The following CLVS1 variants were observed in gnomAD, a reference collection of about 807,000 sequenced individuals.
CLVS1 encodes clavesin 1.
In CLVS1, 10 loss-of-function variants were observed where a neutral mutation model predicts 33.1. The observed-to-expected ratio is 0.30, with a 90% CI of 0.19 to 0.51. CLVS1 has a LOEUF of 0.51. Ranked by LOEUF, CLVS1 falls within the 20% of genes least tolerant of loss-of-function variation. The pLI is 0.97. For synonymous variants in CLVS1, 163 were observed against 166.1 expected (o/e 0.98, Z 0.14); for missense variants, 343 against 433.4 (o/e 0.79, Z 1.85).
intron 2 of CLVS1, among the ~76,000 whole-genome samples, chr8:61,203,879 G>A (rs1807789399): frequency 6.6e-6 from 1 of 152,216 alleles, no homozygotes; most frequent in African/African-American, 2.4e-5. Context: ...TAAATGCAAT[G>A]TGAATGATCT....
At chr8:61,060,638 A>G (rs1468146572) in intron 1 of CLVS1, among the ~76,000 whole-genome samples, 1 of 152,134 alleles carries the variant, frequency 6.6e-6, no homozygotes, top group Non-Finnish European at 1.5e-5. Flanking sequence ...TATATTCAGT[A>G]CTAGTCTTTC....
chr8:61,150,629 C>T (rs67140761), intron 2 of CLVS1, among the ~76,000 whole-genome samples: 32,881 of 152,094 alleles, frequency 0.22, 3,659 homozygotes, highest in Admixed American at 0.28. Flanking sequence ...TCTACTGCTT[C>T]AGGGGTGAGA....
In CLVS1 at chr8:61,380,741, CT is replaced by C. The variant is rs375365248; in HGVS notation, c.630+3963del. ...ATACAGCTCAGCGTTATTCTCAGTT[CT>C]GCTGGGGATTTCTGGCAGAATGAGA... On this transcript the variant is annotated intron_variant, in intron 3 of 5. Coordinates refer to ENST00000325897, the MANE Select transcript of CLVS1 (RefSeq NM_173519.3). 4.9e-3 allele frequency among the ~76,000 whole-genome samples: 748 copies of C among 152,250 alleles called. 9 individuals carry two copies. Among genetic ancestry groups the C allele is most frequent in the African/African-American group, 0.017 (709 of 41,542 alleles).
intron 3 of CLVS1, among the ~76,000 whole-genome samples, chr8:61,450,512 T>C (rs111342055): frequency 6.8e-4 from 103 of 152,302 alleles, no homozygotes; most frequent in African/African-American, 2.3e-3. Flanking sequence ...GTCACTAAAG[T>C]ACACTTTAAA....
At chr8:61,175,478 G>T (rs1178938392) in intron 2 of CLVS1, among the ~76,000 whole-genome samples, 1 of 152,160 alleles carries the variant, frequency 6.6e-6, no homozygotes, top group Non-Finnish European at 1.5e-5. Context: ...ATGGTATTTT[G>T]TTATAGAAGC....
At chr8:61,262,670 C>T (rs1809229526) in intron 2 of CLVS1, among the ~76,000 whole-genome samples, 1 of 152,192 alleles carries the variant, frequency 6.6e-6, no homozygotes, top group South Asian at 2.1e-4. Context: ...CCTCTGCTGA[C>T]CAACACCCAG....
intron 2 of CLVS1, among the ~76,000 whole-genome samples, chr8:61,307,845 T>C (rs540950092): frequency 6.6e-6 from 1 of 151,982 alleles, no homozygotes; most frequent in Non-Finnish European, 1.5e-5. Context: ...CCTCCCACAC[T>C]CCCACCTTAT....
rs894527848 is a variant in CLVS1 at position 61,074,399 on chromosome 8, T to A, written c.-243+17169T>A. The stretch of plus-strand genomic sequence containing the variant: ...ATAAGTATATGTGTATATATATATG[T>A]TATATATATATAAGTATATGTGTAT... On this transcript the variant is annotated intron_variant, in intron 1 of 2. Coordinates refer to the CLVS1 transcript ENST00000522621. Among the ~76,000 whole-genome samples, 6 of 55,576 alleles carry A rather than the reference T, an allele frequency of 1.1e-4. No individual in the cohort carries two copies. In the African/African-American group the frequency reaches 1.2e-3, roughly 11 times the overall value. 36.5% of individuals were successfully genotyped at this position (55,576 alleles called of 152,430 possible). A position where few individuals can be genotyped will look rare whatever the true frequency, so the allele number is the denominator to read the frequency against.
intron 2 of CLVS1, among the ~76,000 whole-genome samples, chr8:61,369,105 A>G (rs12676622): frequency 0.38 from 57,379 of 151,232 alleles, 13,232 homozygotes; most frequent in East Asian, 0.65. Flanking sequence ...TATGAGCCTC[A>G]TCAAGTTATG....
chr8:61,414,051 G>A (rs185302815), intron 3 of CLVS1, among the ~76,000 whole-genome samples: 212 of 152,342 alleles, frequency 1.4e-3, no homozygotes, highest in African/African-American at 4.7e-3. Flanking sequence ...ATTGGGATGT[G>A]AGTATGGTGT....
At chr8:61,292,390 A>C (rs1810026649) in intron 1 of CLVS1, 1 of 456,160 alleles carries the variant, frequency 2.2e-6, no homozygotes, top group Non-Finnish European at 4.4e-6. Flanking sequence ...GGTCACGGTT[A>C]CATGGATCTG....
At chr8:61,433,351 G>A (rs936740504) in intron 3 of CLVS1, among the ~76,000 whole-genome samples, 29 of 151,932 alleles carry the variant, frequency 1.9e-4, no homozygotes, top group African/African-American at 6.3e-4. Context: ...ACATTGTCTC[G>A]GGCTCTCAGT....
At chr8:61,098,833 G>C (rs1805398786) in intron 1 of CLVS1, among the ~76,000 whole-genome samples, 1 of 152,066 alleles carries the variant, frequency 6.6e-6, no homozygotes, top group South Asian at 2.1e-4. Context: ...GTCTCTACCT[G>C]TTTTCTGCAT....
chr8:61,086,501 A>G (rs1460443440), intron 1 of CLVS1, among the ~76,000 whole-genome samples: 2 of 152,214 alleles, frequency 1.3e-5, no homozygotes, highest in Admixed American at 6.5e-5. Flanking sequence ...CTGAAGTTCA[A>G]ATTAACTGGT....
At chr8:61,214,617 A>C (rs1019636867) in intron 2 of CLVS1, among the ~76,000 whole-genome samples, 1 of 152,204 alleles carries the variant, frequency 6.6e-6, no homozygotes, top group African/African-American at 2.4e-5. Flanking sequence ...GATCTTCGAC[A>C]TCTTACCTCC....
At chr8:61,204,471 A>C (rs1442807657) in intron 2 of CLVS1, among the ~76,000 whole-genome samples, 1 of 152,224 alleles carries the variant, frequency 6.6e-6, no homozygotes, top group Non-Finnish European at 1.5e-5. Context: ...AATTGCTCAC[A>C]CTATTAAAAA....
intron 1 of CLVS1, among the ~76,000 whole-genome samples, chr8:61,068,390 A>G (rs952258269): frequency 7.2e-5 from 11 of 151,778 alleles, no homozygotes; most frequent in African/African-American, 2.7e-4. Flanking sequence ...CACTAATCAT[A>G]TCTCCTCAAG....
intron 2 of CLVS1, among the ~76,000 whole-genome samples, chr8:61,234,416 T>A (rs2978549): frequency 0.32 from 48,172 of 152,090 alleles, 8,570 homozygotes; most frequent in Admixed American, 0.38. Context: ...TGCCAGATTC[T>A]GTGACAGAAG....
At chr8:61,352,755 A>G (rs1812521231) in intron 2 of CLVS1, among the ~76,000 whole-genome samples, 1 of 152,032 alleles carries the variant, frequency 6.6e-6, no homozygotes, top group Non-Finnish European at 1.5e-5. Context: ...CAAATGGTGG[A>G]TCAAAAACAT....
Sources: gnomAD v4.1 joint callset for allele counts (sites outside exome capture counted in the v4.1 genomes callset) on GRCh38, gnomAD v4.1.1 for gene constraint, MANE v1.5 for transcripts, NCBI Gene and HGNC (gene_info 2026-07-23, HGNC 2026-07-21) for gene names.